The following FAM120C variants were observed in gnomAD, a reference collection of about 807,000 sequenced individuals.
FAM120C encodes constitutive coactivator of PPAR-gamma-like protein 2.
Under a neutral mutation model 71.2 loss-of-function variants are expected in FAM120C, and 14 were observed. That is an observed-to-expected ratio of 0.20 (90% CI 0.13 to 0.31). FAM120C has a LOEUF of 0.31. Ranked by LOEUF, FAM120C falls within the 10% of genes least tolerant of loss-of-function variation. The pLI is 1.00. For missense variants in FAM120C, 500 were observed against 879.0 expected (o/e 0.57, Z 5.45); for synonymous variants, 354 against 353.2 (o/e 1.00, Z -0.03).
chrX:54,144,469 T>C (rs1459643130), intron 4 of FAM120C, among the ~76,000 whole-genome samples: 2 of 112,374 alleles, frequency 1.8e-5, no homozygotes, highest in Non-Finnish European at 3.8e-5. Context: ...CAGCAAAGTC[T>C]CAGGATACAA....
intron 1 of FAM120C, among the ~76,000 whole-genome samples, chrX:54,163,267 AC>A (rs1352545447): frequency 8.9e-6 from 1 of 112,439 alleles, no homozygotes; most frequent in Non-Finnish European, 1.9e-5. Flanking sequence ...AGTGGAAATA[AC>A]CCAAATGTCT....
chrX:54,142,307 G>A (rs782125246), intron 4 of FAM120C, among the ~76,000 whole-genome samples: 6 of 112,165 alleles, frequency 5.3e-5, no homozygotes, highest in African/African-American at 9.7e-5. Context: ...GCAAGGGGTC[G>A]GGGAATTCCC....
intron 1 of FAM120C, chrX:54,174,107 G>T (rs1193682701): frequency 3.9e-6 from 2 of 510,919 alleles, no homozygotes; most frequent in African/African-American, 4.6e-5. Context: ...TTCTTTTCCT[G>T]TGGGCCTCTC....
At chrX:54,092,810 TCTTATTTCATTGGCAAAA>T (rs1423178837) in intron 10 of FAM120C, among the ~76,000 whole-genome samples, 1 of 111,788 alleles carries the variant, frequency 8.9e-6, no homozygotes, top group Non-Finnish European at 1.9e-5. Context: ...AACCTTTCCA[TCTTATTTCATTGGCAAAA>T]TGTAAAGCAA....
intron 15 of FAM120C, among the ~76,000 whole-genome samples, chrX:54,074,357 G>A (rs113782816): frequency 0.13 from 14,468 of 111,408 alleles, 1,203 homozygotes; most frequent in African/African-American, 0.3. Flanking sequence ...CAATTGAACA[G>A]GCAAATGCAA....
At chrX:54,182,397 T>C in intron 1 of FAM120C, 103 bp downstream of exon 1, 2 of 970,104 alleles carry the variant, frequency 2.1e-6, no homozygotes, top group Non-Finnish European at 2.7e-6. Flanking sequence ...GGTGGGTGGG[T>C]AGATGGGAGG....
At chrX:54,152,859 A>C (rs782004441) in intron 3 of FAM120C, among the ~76,000 whole-genome samples, 14 of 111,836 alleles carry the variant, frequency 1.3e-4, no homozygotes, top group Non-Finnish European at 1.3e-4. Context: ...TCTAGTGTAG[A>C]TGTGTTGGGA....
intron 1 of FAM120C, among the ~76,000 whole-genome samples, chrX:54,166,958 A>G (rs2067262601): frequency 9.0e-6 from 1 of 111,187 alleles, no homozygotes; most frequent in Non-Finnish European, 1.9e-5. Context: ...GAACATATTC[A>G]GGGAAAAAAA....
chrX:54,134,377 C>G (rs1479256302), intron 7 of FAM120C, among the ~76,000 whole-genome samples: 2 of 112,396 alleles, frequency 1.8e-5, no homozygotes, highest in Non-Finnish European at 3.8e-5. Context: ...GACTAATCTG[C>G]TTAGAGGAAT....
In FAM120C at chrX:54,091,321, T is replaced by C. The variant is rs370750876; in HGVS notation, c.2418A>G (p.Gln806=). ...GGGTACATGAACTCACCTTGAGTTC[T>C]TGGAGTCGATCTGGTTCATAAAGCT... ...STQLYEPDRL[Q]ELKIEKLDAR... is the part of the protein sequence containing the mutation. The change falls in exon 11 of 16, where the codon CAA becomes CAG. Residue 806 remains glutamine (Q), a synonymous_variant. Transcript: ENST00000375180. The C allele has an allele frequency of 1.0e-5, 12 of 1,198,296 alleles. No homozygotes were observed. The highest frequency in any genetic ancestry group is 1.1e-5 in the Non-Finnish European group (10 of 883,796).
chrX:54,086,789 T>TA (rs1285554396), intron 12 of FAM120C, among the ~76,000 whole-genome samples: 1 of 100,769 alleles, frequency 9.9e-6, no homozygotes, highest in African/African-American at 3.6e-5. Flanking sequence ...AAAGCAGTCA[T>TA]AGATGGTATG....
rs782714652 is a variant in FAM120C, at chrX:54,182,447, T to C, written c.699+53A>G. 18 of 1,131,053 alleles carry C rather than the reference T, an allele frequency of 1.6e-5. No homozygotes were observed. In the African/African-American group the frequency reaches 2.7e-4, roughly 17 times the overall value. 93.2% of individuals were successfully genotyped at this position (1,131,053 alleles called of 1,213,427 possible). A position where few individuals can be genotyped will look rare whatever the true frequency, so the allele number is the denominator to read the frequency against. ...AGTGGGTAGGTGGTTAGGTATTTAG[T>C]TGGGAGGGAATAGGTGTGGGGCTTA... On this transcript the variant is annotated intron_variant, in intron 1 of 15. Transcript: ENST00000375180.
rs2066699215 is a variant in FAM120C, at chrX:54,068,982, T to C, written c.*4051A>G. The stretch of plus-strand genomic sequence containing the variant: ...TGAAAATTCACTAGTCATTAGTTAC[T>C]ACCAACACGGACAAAAAGAGCATCT... On this transcript the variant is annotated 3_prime_UTR_variant, in exon 16 of 16. Transcript: ENST00000375180. The C allele has an allele frequency of 8.9e-6, 1 of 111,979 alleles. No homozygotes were observed. Among genetic ancestry groups the C allele is most frequent in the Admixed American group, 9.6e-5 (1 of 10,443 alleles). 9.2% of individuals were successfully genotyped at this position (111,979 alleles called of 1,213,427 possible).
chrX:54,115,918 C>A (rs1217736338), intron 10 of FAM120C, among the ~76,000 whole-genome samples: 1 of 110,918 alleles, frequency 9.0e-6, no homozygotes, highest in Non-Finnish European at 1.9e-5. Flanking sequence ...CCCATCTCTA[C>A]TAAAAATACA....
chrX:54,139,365 G>A lies in FAM120C; in HGVS notation c.1159-2775C>T, dbSNP rs868933756. ...TATTTATTTATTTATTTATTTATTT[G>A]AGATGGAGTCTTGCTCTGTGCCCAG... is the stretch of plus-strand genomic sequence containing the variant. On this transcript the variant is annotated intron_variant, in intron 4 of 15. Transcript: ENST00000375180. Among the ~76,000 whole-genome samples, 4 of 11,797 alleles carry A rather than the reference G, an allele frequency of 3.4e-4. No individual in the cohort carries two copies. In the East Asian group the frequency reaches 0.02, roughly 60 times the overall value. 10.2% of individuals were successfully genotyped at this position (11,797 alleles called of 115,157 possible).
chrX:54,144,515 C>T (rs1356226800), intron 4 of FAM120C, among the ~76,000 whole-genome samples: 2 of 111,532 alleles, frequency 1.8e-5, no homozygotes, highest in African/African-American at 6.5e-5. Context: ...TTCCTCTACA[C>T]CAATAACAGA....
chrX:54,183,250 G>T lies in FAM120C; in HGVS notation c.-52C>A, dbSNP rs1255072701. On this transcript the variant is annotated 5_prime_UTR_variant, in exon 1 of 16. Transcript: ENST00000375180. ...CGGCTGCGCAAGCAGGATAGGCGAC[G>T]ATCTGGGCGCGAAGCTGGGGGCGGG... is the stretch of plus-strand genomic sequence containing the variant. The T allele has an allele frequency of 5.2e-5, 41 of 790,921 alleles. No individual in the cohort carries two copies. The highest frequency in any genetic ancestry group is 6.3e-5 in the Non-Finnish European group (40 of 639,214). The allele number at this position is 790,921 out of a possible 1,213,427, so 65.2% of individuals were successfully genotyped here. A position where few individuals can be genotyped will look rare whatever the true frequency, so the allele number is the denominator to read the frequency against.
intron 1 of FAM120C, among the ~76,000 whole-genome samples, chrX:54,163,940 T>A (rs11091329): frequency 0.028 from 2,932 of 103,280 alleles, 45 homozygotes; most frequent in Middle Eastern, 0.033. Context: ...ATATATATAT[T>A]TTTTTTTTTT....
rs1557121914 is a variant in FAM120C at position 54,085,852 on chromosome X, T to A, written c.2702A>T (p.His901Leu). The A allele has an allele frequency of 8.3e-7, 1 of 1,208,335 alleles. No individual in the cohort carries two copies. The highest frequency in any genetic ancestry group is 1.1e-6 in the Non-Finnish European group (1 of 892,498). Residue 901 changes from histidine to leucine, a missense_variant, in exon 13 of 16, where the codon CAT becomes CTT. Physicochemically the swap from His to Leu is moderately conservative, Grantham distance 99 (BLOSUM62 -3). This residue lies in a region of FAM120C where 34 missense variants were observed against 45.2 expected (regional missense o/e 0.75). Transcript: ENST00000375180. ...CGGAAGTAGAGCAGAAGGCGGTGGA[T>A]GATTCATGTTGACTCCTTCAAGGAT... ...QSILEGVNMN[H>L]PPPSALLPSP...
Sources: gnomAD v4.1 joint callset for allele counts (sites outside exome capture counted in the v4.1 genomes callset) on GRCh38, gnomAD v4.1.1 for gene constraint, gnomAD v4.1.1 regional missense constraint, MANE v1.5 for transcripts, NCBI Gene and HGNC (gene_info 2026-07-23, HGNC 2026-07-21) for gene names.